Variants in ARHGEF1 observed in about 807,000 individuals in gnomAD.
ARHGEF1 encodes Rho guanine nucleotide exchange factor 1, also known as 115 kDa guanine nucleotide exchange factor.
Under a neutral mutation model 119.7 loss-of-function variants are expected in ARHGEF1, and 40 were observed. That is an observed-to-expected ratio of 0.33 (90% CI 0.26 to 0.44). ARHGEF1 has a LOEUF of 0.44. Ranked by LOEUF, ARHGEF1 falls within the 20% of genes least tolerant of loss-of-function variation. The pLI is 1.00. For synonymous variants in ARHGEF1, 494 were observed against 521.0 expected (o/e 0.95, Z 0.71); for missense variants, 976 against 1,268.3 (o/e 0.77, Z 3.50).
At chr19:41,893,417 C>G in intron 8 of ARHGEF1, 114 bp downstream of exon 8, 1 of 233,576 alleles carries the variant, frequency 4.3e-6, no homozygotes, top group South Asian at 1.1e-4. Flanking sequence ...ACGCCTGGGT[C>G]TGAGGGAGGA....
At position 41,883,966 on chromosome 19, in the gene ARHGEF1, A is replaced by G. The variant is rs2074255853; in HGVS notation, c.-20+677A>G. Among the ~76,000 whole-genome samples the G allele has an allele frequency of 6.6e-6, 1 of 152,302 alleles. No individual in the cohort carries two copies. The highest frequency in any genetic ancestry group is 1.9e-4 in the East Asian group (1 of 5,174). ...AGAGGGAAAGTTGTGCTGGAACTCA[A>G]GACTATTGCTTTTCCGGTTCCAAAG... On this transcript the variant is annotated intron_variant, in intron 1 of 28. Transcript: ENST00000354532. The surrounding 1 kb of genome is among the most constrained non-coding windows in gnomAD (Gnocchi z 7.6).
rs952742037 is a variant in ARHGEF1 at position 41,905,344 on chromosome 19, C to A, written c.2336+83C>A. On this transcript the variant is annotated intron_variant, in intron 24 of 28. Transcript: ENST00000354532. The surrounding 1 kb of genome is among the most constrained non-coding windows in gnomAD (Gnocchi z 6.4). ...AGGCTTCCCTCCACAACTCCAGAAC[C>A]GTCTCTGTGTGAGCATGCACATGTG... The A allele has an allele frequency of 1.5e-5, 19 of 1,252,060 alleles. No individual in the cohort carries two copies. Among genetic ancestry groups the A allele is most frequent in the Non-Finnish European group, 2.1e-5 (19 of 890,598 alleles). The allele number at this position is 1,252,060 out of a possible 1,614,324, so 77.6% of individuals were successfully genotyped here. A position where few individuals can be genotyped will look rare whatever the true frequency, so the allele number is the denominator to read the frequency against.
chr19:41,888,784 C>G lies in ARHGEF1; in HGVS notation c.144C>G (p.Ser48Arg). The G allele has an allele frequency of 1.2e-6, 2 of 1,614,236 alleles. No individual in the cohort carries two copies. Among genetic ancestry groups the G allele is most frequent in the South Asian group, 1.1e-5 (1 of 91,090 alleles). ...AAGAGCAAAACAGCCAGTTCCAGAG[C>G]CTGGAGCAGGTGAAGCGGCGCCCAG... ...NSEEQNSQFQ[S>R]LEQVKRRPAH... The change falls in exon 4 of 29, where the codon AGC becomes AGG. Residue 48 changes from serine (S) to arginine (R), a missense_variant. Physicochemically the swap from Ser to Arg is moderately radical, Grantham distance 110. Coordinates refer to ENST00000354532, the MANE Select transcript of ARHGEF1 (RefSeq NM_004706.4). The surrounding 1 kb of genome is among the most constrained non-coding windows in gnomAD (Gnocchi z 5.1).
At chr19:41,928,141 C>G (rs1484912329) in intron 1 of ARHGEF1, 1 of 151,990 alleles carries the variant, frequency 6.6e-6, no homozygotes, top group East Asian at 1.9e-4. Context: ...GGCACCGGGG[C>G]GAGGGGCGGG....
At position 41,902,445 on chromosome 19, in the gene ARHGEF1, A is replaced by C. The variant is rs1444483528; in HGVS notation, c.1498-88A>C. 5 of 1,611,010 alleles carry C rather than the reference A, an allele frequency of 3.1e-6. No homozygotes were observed. The highest frequency in any genetic ancestry group is 4.2e-6 in the Non-Finnish European group (5 of 1,178,634). Reference sequence around the variant, plus strand: ...CCTGAGCCCACCCTACTCCAGTCCCAGGGTCTGGGCTTCCAGCCTGTCGTA... The same window carrying C: ...CCTGAGCCCACCCTACTCCAGTCCCCGGGTCTGGGCTTCCAGCCTGTCGTA... On this transcript the variant is annotated intron_variant, in intron 16 of 28. Coordinates refer to ENST00000354532, the MANE Select transcript of ARHGEF1 (RefSeq NM_004706.4). This position sits in a 1 kb window ranked among gnomAD's most constrained non-coding sequence, Gnocchi z 6.5.
chr19:41,920,181 C>T (rs1291245508), upstream of ARHGEF1, among the ~76,000 whole-genome samples: 7 of 133,764 alleles, frequency 5.2e-5, no homozygotes, highest in Non-Finnish European at 1.1e-4. Context: ...ACATGACACG[C>T]TCACAGACAT....
intron 1 of ARHGEF1, among the ~76,000 whole-genome samples, chr19:41,885,739 C>A (rs1330117599): frequency 2.7e-5 from 4 of 150,550 alleles, no homozygotes; most frequent in Non-Finnish European, 4.4e-5. Context: ...GGATTACAGG[C>A]GAGAGCCACC....
In ARHGEF1 at chr19:41,906,277, C is replaced by T; in HGVS notation, c.2492-180C>T. 1 of 698,502 alleles carries T rather than the reference C, an allele frequency of 1.4e-6. No homozygotes were observed. Among genetic ancestry groups the T allele is most frequent in the Admixed American group, 3.0e-5 (1 of 33,826 alleles). The allele number at this position is 698,502 out of a possible 1,614,324, so 43.3% of individuals were successfully genotyped here. A position where few individuals can be genotyped will look rare whatever the true frequency, so the allele number is the denominator to read the frequency against. On this transcript the variant is annotated intron_variant, in intron 26 of 28. Coordinates refer to ENST00000354532, the MANE Select transcript of ARHGEF1 (RefSeq NM_004706.4). This position sits in a 1 kb window ranked among gnomAD's most constrained non-coding sequence, Gnocchi z 4.5. ...TCTTCAGTACCTTCCTGCCCTGTCC[C>T]AACCCTAAACCCAGCCTCACTTCTT... is the stretch of plus-strand genomic sequence containing the variant.
At position 41,902,695 on chromosome 19, in the gene ARHGEF1, AG is replaced by A; in HGVS notation, c.1623+41del. 1 of 1,613,290 alleles carries A rather than the reference AG, an allele frequency of 6.2e-7. No individual in the cohort carries two copies. The highest frequency in any genetic ancestry group is 8.5e-7 in the Non-Finnish European group (1 of 1,179,598). On this transcript the variant is annotated intron_variant, in intron 17 of 28. Coordinates refer to ENST00000354532, the MANE Select transcript of ARHGEF1 (RefSeq NM_004706.4). This position sits in a 1 kb window ranked among gnomAD's most constrained non-coding sequence, Gnocchi z 6.5. ...TCTGGACTCCAGCTTCCCAGGGAGG[AG>A]GGGCCTGGAGACCCAGACTCCTAGG...
At position 41,917,156 on chromosome 19, in the gene ARHGEF1, CTCTG is replaced by C. The variant is rs1433385551; in HGVS notation, c.1866-5928_1866-5925del. Among the ~76,000 whole-genome samples the C allele has an allele frequency of 2.0e-5, 3 of 152,132 alleles. No homozygotes were observed. The highest frequency in any genetic ancestry group is 4.8e-5 in the African/African-American group (2 of 41,426). On this transcript the variant is annotated intron_variant, in intron 18 of 20. Coordinates refer to the ARHGEF1 transcript ENST00000599589. This position sits in a 1 kb window ranked among gnomAD's most constrained non-coding sequence, Gnocchi z 4.8. The stretch of plus-strand genomic sequence containing the variant: ...TCTGTCTGTCTCTGTCACTGAGGGT[CTCTG>C]TCTGTCTCTGTCAGAGAGGGTCTTT...
chr19:41,884,410 G>T, intron 1 of ARHGEF1: 1 of 1,597,076 alleles, frequency 6.3e-7, no homozygotes, highest in South Asian at 1.1e-5. Flanking sequence ...GCGACGCGGC[G>T]GCAGGGGTGG....
At chr19:41,899,089 C>A (rs2074557909) in intron 14 of ARHGEF1, among the ~76,000 whole-genome samples, 1 of 151,944 alleles carries the variant, frequency 6.6e-6, no homozygotes, top group African/African-American at 2.4e-5. Flanking sequence ...CCCTCCCAGG[C>A]TCAACTGATC....
intron 1 of ARHGEF1, among the ~76,000 whole-genome samples, chr19:41,885,895 G>A (rs2074287349): frequency 6.6e-6 from 1 of 152,180 alleles, no homozygotes; most frequent in Non-Finnish European, 1.5e-5. Context: ...TATGACTACA[G>A]GCATGAACCA....
rs1397180503 is a variant in ARHGEF1 at position 41,906,397 on chromosome 19, T to G, written c.2492-60T>G. On this transcript the variant is annotated intron_variant, in intron 26 of 28. Transcript: ENST00000354532. This position sits in a 1 kb window ranked among gnomAD's most constrained non-coding sequence, Gnocchi z 4.5. ...TACACATCCCCTTTGGAATCCCCCA[T>G]CCCAGATCCCAGCCCAGCCCCCTGG... 1 of 1,490,142 alleles carries G rather than the reference T, an allele frequency of 6.7e-7. No individual in the cohort carries two copies. The highest frequency in any genetic ancestry group is 9.0e-7 in the Non-Finnish European group (1 of 1,114,656). 92.3% of individuals were successfully genotyped at this position (1,490,142 alleles called of 1,614,324 possible).
chr19:41,896,339 G>T, intron 12 of ARHGEF1, 38 bp from the exon 13 acceptor site: 1 of 1,162,340 alleles, frequency 8.6e-7, no homozygotes, highest in Non-Finnish European at 1.1e-6. Context: ...CGTGGCCGCA[G>T]AGGCCTTCCA....
At position 41,905,565 on chromosome 19, in the gene ARHGEF1, T is replaced by C; in HGVS notation, c.2337-195T>C. On this transcript the variant is annotated intron_variant, in intron 24 of 28. Coordinates refer to ENST00000354532, the MANE Select transcript of ARHGEF1 (RefSeq NM_004706.4). This position sits in a 1 kb window ranked among gnomAD's most constrained non-coding sequence, Gnocchi z 6.4. Reference sequence around the variant, plus strand: ...TGTGCGCATGTGCCGACCCCACCACTGCCCCGTCTGTCTCCTGTCTCCAGG... The same window carrying C: ...TGTGCGCATGTGCCGACCCCACCACCGCCCCGTCTGTCTCCTGTCTCCAGG... 1.6e-6 allele frequency: 1 copy of C among 636,264 alleles called. No individual in the cohort carries two copies. Among genetic ancestry groups the C allele is most frequent in the Non-Finnish European group, 2.7e-6 (1 of 367,758 alleles). The allele number at this position is 636,264 out of a possible 1,614,324, so 39.4% of individuals were successfully genotyped here.
upstream of ARHGEF1, among the ~76,000 whole-genome samples, chr19:41,921,530 C>A (rs375327365): frequency 8.1e-5 from 12 of 147,920 alleles, no homozygotes; most frequent in South Asian, 2.5e-3. This position sits in a 1 kb window ranked among gnomAD's most constrained non-coding sequence, Gnocchi z 4.4. Context: ...GGGGGAGATC[C>A]GAGGTGGGGA....
At position 41,902,812 on chromosome 19, in the gene ARHGEF1, G is replaced by A; in HGVS notation, c.1652G>A (p.Arg551His). 6.2e-7 allele frequency: 1 copy of A among 1,613,054 alleles called. No homozygotes were observed. Among genetic ancestry groups the A allele is most frequent in the Non-Finnish European group, 8.5e-7 (1 of 1,179,990 alleles). ...QEAESRPRCR[R>H]LQLKDMIPTE... ...GCTGAGAGCCGCCCGCGGTGCCGCC[G>A]CCTGCAGCTGAAGGACATGATCCCC... Residue 551 changes from arginine (R) to histidine (H), a missense_variant, in exon 18 of 29, where the codon CGC becomes CAC. Coordinates refer to ENST00000354532, the MANE Select transcript of ARHGEF1 (RefSeq NM_004706.4). The surrounding 1 kb of genome is among the most constrained non-coding windows in gnomAD (Gnocchi z 6.5).
chr19:41,906,699 C>G lies in ARHGEF1; in HGVS notation c.2656-4C>G, dbSNP rs1813153433. On this transcript the variant is annotated splice_region_variant and splice_polypyrimidine_tract_variant and intron_variant, in intron 27 of 28. Coordinates refer to ENST00000354532, the MANE Select transcript of ARHGEF1 (RefSeq NM_004706.4). This position sits in a 1 kb window ranked among gnomAD's most constrained non-coding sequence, Gnocchi z 4.5. ...CCCCTCATCCATGACCCCCACCCCA[C>G]CAGGAGTTGGAGGAGGAATTTTGCC... 1.2e-6 allele frequency: 2 copies of G among 1,606,776 alleles called. No individual in the cohort carries two copies. The highest frequency in any genetic ancestry group is 1.1e-5 in the South Asian group (1 of 90,396).
Sources: allele counts gnomAD v4.1 joint callset (sites outside exome capture counted in the v4.1 genomes callset), GRCh38; gene constraint gnomAD v4.1.1; non-coding constraint Gnocchi (gnomAD v3.1); transcripts MANE v1.5; gene names NCBI Gene and HGNC (gene_info 2026-07-23, HGNC 2026-07-21).